The following PABPC4L variants were observed in gnomAD, a reference collection of about 807,000 sequenced individuals.
The protein encoded by PABPC4L is polyadenylate-binding protein 4-like.
For missense variants in PABPC4L, 452 were observed against 451.4 expected, an observed-to-expected ratio of 1.00 and a Z score of -0.01; for synonymous variants, 169 against 164.1, an observed-to-expected ratio of 1.03 and a Z score of -0.23.
At chr4:134,106,147 T>G in the PABPC4L span, among the ~76,000 whole-genome samples, 4 of 151,634 alleles carry the variant, frequency 2.6e-5, no homozygotes, top group South Asian at 8.3e-4. Flanking sequence ...TTTGTCAACC[T>G]GTAATTCCAG....
the PABPC4L span, among the ~76,000 whole-genome samples, chr4:134,020,109 C>A: frequency 3.9e-5 from 6 of 152,138 alleles, no homozygotes; most frequent in East Asian, 7.7e-4. Context: ...GAGTCCCTAC[C>A]CAGACCCCAA....
the PABPC4L span, among the ~76,000 whole-genome samples, chr4:133,959,355 A>G: frequency 1.8e-4 from 28 of 152,308 alleles, no homozygotes; most frequent in African/African-American, 6.7e-4. Context: ...TTTTTCAGAT[A>G]AATACTATGA....
the PABPC4L span, among the ~76,000 whole-genome samples, chr4:134,059,152 C>T: frequency 1.3e-5 from 2 of 151,888 alleles, no homozygotes; most frequent in Admixed American, 6.6e-5. Flanking sequence ...GTAACTAGTA[C>T]TCCCCAATCT....
the PABPC4L span, among the ~76,000 whole-genome samples, chr4:134,064,495 A>T: frequency 8.3e-4 from 127 of 152,220 alleles, no homozygotes; most frequent in African/African-American, 2.7e-3. Flanking sequence ...AATACAAATA[A>T]TTTAAATGTG....
At chr4:133,983,693 A>C in the PABPC4L span, among the ~76,000 whole-genome samples, 2 of 151,888 alleles carry the variant, frequency 1.3e-5, no homozygotes, top group Non-Finnish European at 3.0e-5. Context: ...ATAATTCTAT[A>C]AACTTGGAAT....
chr4:133,958,859 G>C, the PABPC4L span, among the ~76,000 whole-genome samples: 1 of 152,136 alleles, frequency 6.6e-6, no homozygotes, highest in Admixed American at 6.6e-5. Context: ...AATGAGATTT[G>C]GGTGGAGACA....
the PABPC4L span, among the ~76,000 whole-genome samples, chr4:134,076,292 A>G: frequency 6.6e-6 from 1 of 152,218 alleles, no homozygotes; most frequent in African/African-American, 2.4e-5. Context: ...GGTTAAAATA[A>G]GAAAGTTTAG....
chr4:134,031,180 G>A, the PABPC4L span, among the ~76,000 whole-genome samples: 42 of 151,932 alleles, frequency 2.8e-4, no homozygotes, highest in African/African-American at 9.4e-4. Flanking sequence ...TTAAATCCCT[G>A]TTTATATCTG....
At chr4:134,184,749 T>C in the PABPC4L span, among the ~76,000 whole-genome samples, 1 of 152,056 alleles carries the variant, frequency 6.6e-6, no homozygotes, top group East Asian at 1.9e-4. Context: ...TATGTTTAGT[T>C]ATGGAATAAA....
At chr4:134,002,794 C>A in the PABPC4L span, among the ~76,000 whole-genome samples, 1 of 151,816 alleles carries the variant, frequency 6.6e-6, no homozygotes, top group African/African-American at 2.4e-5. Context: ...GAAAATGATA[C>A]CTTGCAAAAT....
the PABPC4L span, among the ~76,000 whole-genome samples, chr4:133,965,179 C>G: frequency 6.6e-6 from 1 of 151,942 alleles, no homozygotes; most frequent in Non-Finnish European, 1.5e-5. Flanking sequence ...TCAATAGTGA[C>G]CAAGCAGCAA....
chr4:134,080,868 G>GGGAT, the PABPC4L span, among the ~76,000 whole-genome samples: 1 of 152,094 alleles, frequency 6.6e-6, no homozygotes, highest in Admixed American at 6.5e-5. Context: ...AGGTTCCATA[G>GGGAT]GGATGTCTGT....
the PABPC4L span, among the ~76,000 whole-genome samples, chr4:134,045,540 A>G: frequency 6.6e-6 from 1 of 152,168 alleles, no homozygotes. Context: ...TTCAGGGCAG[A>G]CATAGTATGA....
At chr4:134,142,054 A>C in the PABPC4L span, among the ~76,000 whole-genome samples, 1 of 151,696 alleles carries the variant, frequency 6.6e-6, no homozygotes, top group Admixed American at 6.6e-5. Flanking sequence ...AGAGGAAAAA[A>C]AGTGAATTTC....
the PABPC4L span, among the ~76,000 whole-genome samples, chr4:133,982,022 A>G: frequency 6.6e-6 from 1 of 152,022 alleles, no homozygotes; most frequent in African/African-American, 2.4e-5. Context: ...AATTTCATGA[A>G]TATTATTTAA....
chr4:134,098,052 T>G, the PABPC4L span, among the ~76,000 whole-genome samples: 1 of 151,884 alleles, frequency 6.6e-6, no homozygotes, highest in Admixed American at 6.6e-5. Context: ...CTGAAAAAAA[T>G]ATAGGTATTC....
At chr4:134,161,782 T>C in the PABPC4L span, among the ~76,000 whole-genome samples, 3 of 152,240 alleles carry the variant, frequency 2.0e-5, no homozygotes, top group Admixed American at 2.0e-4. Context: ...ACTCTAGCAC[T>C]GTAGCTGCAG....
chr4:133,970,267 A>G, the PABPC4L span, among the ~76,000 whole-genome samples: 1 of 151,934 alleles, frequency 6.6e-6, no homozygotes, highest in South Asian at 2.1e-4. Flanking sequence ...ATTTCTTTTT[A>G]GTGTTGTTGC....
At chr4:134,065,993 C>A in the PABPC4L span, among the ~76,000 whole-genome samples, 7 of 152,038 alleles carry the variant, frequency 4.6e-5, no homozygotes, top group Admixed American at 4.6e-4. Flanking sequence ...GTGCCAGAAC[C>A]ATGCTATTTT....
Sources: allele counts gnomAD v4.1 joint callset (sites outside exome capture counted in the v4.1 genomes callset), GRCh38; gene constraint gnomAD v4.1.1; transcripts MANE v1.5; gene names NCBI Gene and HGNC (gene_info 2026-07-23, HGNC 2026-07-21).